The following TESMIN variants were observed in gnomAD, a reference collection of about 807,000 sequenced individuals.
The protein encoded by TESMIN is CXC domain containing 2.
Under a neutral mutation model 47.4 loss-of-function variants are expected in TESMIN, and 34 were observed. That is an observed-to-expected ratio of 0.72 (90% CI 0.55 to 0.96). The LOEUF (loss-of-function observed/expected upper bound fraction) is 0.96, where lower values mean the gene tolerates loss of function less well. TESMIN is among the 40% of genes least tolerant of loss of function. The probability of loss-of-function intolerance (pLI) is 0.00; values close to 1 mark genes in which losing one functional copy is unlikely to be tolerated. For missense variants in TESMIN, 610 were observed against 637.2 expected (o/e 0.96, Z 0.46); for synonymous variants, 278 against 258.9 (o/e 1.07, Z -0.71).
chr11:68,727,437 G>T (rs967016609), intron 6 of TESMIN, among the ~76,000 whole-genome samples: 3 of 152,048 alleles, frequency 2.0e-5, no homozygotes, highest in Non-Finnish European at 4.4e-5. Context: ...CAGACTTTGT[G>T]TCAAAAACAA....
downstream of TESMIN, among the ~76,000 whole-genome samples, chr11:68,707,269 G>A (rs77061287): frequency 0.032 from 4,831 of 152,266 alleles, 118 homozygotes; most frequent in Non-Finnish European, 0.046. Context: ...GCCTGGGCCC[G>A]GCAGCCACAC....
chr11:68,718,167 G>GCACCCCCAGTCAGCCCACGCCTCACCTA (rs1946163338), intron 6 of TESMIN, among the ~76,000 whole-genome samples: 1 of 134,790 alleles, frequency 7.4e-6, no homozygotes, highest in Non-Finnish European at 1.6e-5. Context: ...CCCCTCACCT[G>GCACCCCCAGTCAGCCCACGCCTCACCTA]CAGCCCCCAG....
chr11:68,740,656 CTGA>C (rs916441199), intron 5 of TESMIN, among the ~76,000 whole-genome samples: 3 of 152,224 alleles, frequency 2.0e-5, no homozygotes, highest in Admixed American at 2.0e-4. Flanking sequence ...ACCTCCTGCA[CTGA>C]TAACACTCTC....
At chr11:68,727,245 A>G (rs909867571) in intron 6 of TESMIN, among the ~76,000 whole-genome samples, 1 of 152,218 alleles carries the variant, frequency 6.6e-6, no homozygotes, top group Non-Finnish European at 1.5e-5. Context: ...GTTCAAGACC[A>G]GCCTTGCCAA....
chr11:68,730,388 G>A (rs940809792), intron 6 of TESMIN, among the ~76,000 whole-genome samples: 1 of 152,174 alleles, frequency 6.6e-6, no homozygotes, highest in Non-Finnish European at 1.5e-5. Context: ...AAATTTTTAA[G>A]TTGTATATTT....
chr11:68,749,912 T>C (rs906080135), intron 2 of TESMIN, among the ~76,000 whole-genome samples: 1 of 152,130 alleles, frequency 6.6e-6, no homozygotes, highest in Admixed American at 6.5e-5. Context: ...TCCCCCTTTT[T>C]TTGTTGTCCG....
chr11:68,736,822 G>C lies in TESMIN; in HGVS notation c.917+1878C>G, dbSNP rs1203445285. 3.1e-6 allele frequency: 3 copies of C among 969,762 alleles called. No individual in the cohort carries two copies. In the South Asian group the frequency reaches 1.4e-4, roughly 46 times the overall value. The allele number at this position is 969,762 out of a possible 1,614,324, so 60.1% of individuals were successfully genotyped here. ...AGGAGGAGGGGACGAGAAGAGGAAG[G>C]AGGAGGAGGAGAATGGGAAGCCGGG... On this transcript the variant is annotated intron_variant, in intron 6 of 9. Coordinates refer to ENST00000255087, the MANE Select transcript of TESMIN (RefSeq NM_004923.3).
intron 8 of TESMIN, 21 bp downstream of exon 8, chr11:68,713,249 G>T (rs755702383): frequency 1.9e-6 from 3 of 1,603,744 alleles, no homozygotes; most frequent in Admixed American, 1.7e-5. Context: ...TTGTTAGTGA[G>T]TTAGGGAGCT....
chr11:68,714,110 G>C (rs146163140), intron 7 of TESMIN, among the ~76,000 whole-genome samples: 1 of 152,210 alleles, frequency 6.6e-6, no homozygotes, highest in Admixed American at 6.5e-5. Flanking sequence ...ACAATTCAAC[G>C]CTCTTTGTAA....
At chr11:68,721,586 T>C (rs894385802) in intron 6 of TESMIN, among the ~76,000 whole-genome samples, 1 of 152,214 alleles carries the variant, frequency 6.6e-6, no homozygotes, top group African/African-American at 2.4e-5. Flanking sequence ...CTGTCTTCCC[T>C]GTTCCTGAGA....
chr11:68,747,030 A>C, intron 3 of TESMIN, 178 bp downstream of exon 3: 1 of 630,366 alleles, frequency 1.6e-6, no homozygotes, highest in Non-Finnish European at 2.8e-6. Context: ...AGAAATGAGA[A>C]TCTTAGAGGT....
At chr11:68,722,218 A>G (rs905887484) in intron 6 of TESMIN, among the ~76,000 whole-genome samples, 2 of 152,218 alleles carry the variant, frequency 1.3e-5, no homozygotes, top group African/African-American at 2.4e-5. Context: ...AGGACTTAGA[A>G]TAGTCAAAAG....
chr11:68,744,987 G>T lies in TESMIN; in HGVS notation c.751+4C>A. 1 of 1,548,536 alleles carries T rather than the reference G, an allele frequency of 6.5e-7. No homozygotes were observed. The highest frequency in any genetic ancestry group is 8.7e-7 in the Non-Finnish European group (1 of 1,153,654). On this transcript the variant is annotated splice_donor_region_variant and intron_variant, in intron 4 of 9. Coordinates refer to ENST00000255087, the MANE Select transcript of TESMIN (RefSeq NM_004923.3). ...ATAGTTTTTTTTATTAATTAACTTT[G>T]TACCTGACTGTAGATAATTATTTTG...
At chr11:68,747,495 G>T (rs1413452272) in intron 2 of TESMIN, 129 bp from the exon 3 acceptor site, 1 of 792,934 alleles carries the variant, frequency 1.3e-6, no homozygotes, top group Admixed American at 2.5e-5. Context: ...TACTAGGCAT[G>T]GTGGCACACT....
intron 4 of TESMIN, among the ~76,000 whole-genome samples, chr11:68,744,261 A>G (rs547582817): frequency 1.3e-5 from 2 of 152,360 alleles, no homozygotes; most frequent in South Asian, 4.1e-4. Context: ...ATCACCTGAC[A>G]GTGAATATTC....
intron 6 of TESMIN, among the ~76,000 whole-genome samples, chr11:68,724,316 T>C (rs1946236073): frequency 6.6e-6 from 1 of 152,108 alleles, no homozygotes; most frequent in Non-Finnish European, 1.5e-5. Context: ...AATTCACCAG[T>C]CCTTTATTAT....
At chr11:68,726,970 T>C (rs937496860) in intron 6 of TESMIN, among the ~76,000 whole-genome samples, 3 of 152,028 alleles carry the variant, frequency 2.0e-5, no homozygotes, top group African/African-American at 7.2e-5. Flanking sequence ...GGCAGGAGGA[T>C]TGCTGGACCC....
intron 4 of TESMIN, among the ~76,000 whole-genome samples, chr11:68,743,663 T>C (rs992148287): frequency 6.6e-6 from 1 of 152,190 alleles, no homozygotes; most frequent in African/African-American, 2.4e-5. Flanking sequence ...TAGGTACTTA[T>C]TTGGTCTACA....
intron 2 of TESMIN, among the ~76,000 whole-genome samples, chr11:68,749,577 G>T (rs1200116587): frequency 6.6e-6 from 1 of 152,234 alleles, no homozygotes. Flanking sequence ...TCTACAGCTA[G>T]AGAGGGCAGT....
Sources: gnomAD v4.1 joint callset for allele counts (sites outside exome capture counted in the v4.1 genomes callset) on GRCh38, gnomAD v4.1.1 for gene constraint, MANE v1.5 for transcripts, NCBI Gene and HGNC (gene_info 2026-07-23, HGNC 2026-07-21) for gene names.